Variants in TYW1B observed in about 807,000 individuals in gnomAD.
The protein encoded by TYW1B is S-adenosyl-L-methionine-dependent tRNA 4-demethylwyosine synthase TYW1B.
TYW1B carries 73 observed loss-of-function variants against 86.9 expected under a neutral mutation model. That is an observed-to-expected ratio of 0.84 (90% CI 0.70 to 1.02). The LOEUF is 1.02. Among genes scored for constraint, TYW1B ranks in the 50% least tolerant of loss-of-function variants. The pLI is 0.00. For synonymous variants in TYW1B, 248 were observed against 292.8 expected (o/e 0.85, Z 1.56); for missense variants, 637 against 827.4 (o/e 0.77, Z 2.82).
chr7:72,672,473 A>AACAC (rs57744814), intron 11 of TYW1B, among the ~76,000 whole-genome samples: 56,094 of 140,636 alleles, frequency 0.4, 11,364 homozygotes, highest in Non-Finnish European at 0.47. Flanking sequence ...TACACACACA[A>AACAC]ACACACACAC....
chr7:72,792,105 G>A (rs1448994380), intron 6 of TYW1B, among the ~76,000 whole-genome samples: 2 of 152,104 alleles, frequency 1.3e-5, no homozygotes, highest in Non-Finnish European at 2.9e-5. Flanking sequence ...CGAGGCGGGT[G>A]ATCATTTGAG....
intron 7 of TYW1B, among the ~76,000 whole-genome samples, chr7:72,747,441 G>C (rs1479714182): frequency 6.6e-6 from 1 of 152,040 alleles, no homozygotes; most frequent in Non-Finnish European, 1.5e-5. Context: ...CATGAAAACG[G>C]ACTAATACAG....
chr7:72,710,071 G>A (rs1447039257), intron 10 of TYW1B, among the ~76,000 whole-genome samples: 5 of 152,070 alleles, frequency 3.3e-5, no homozygotes, highest in Admixed American at 1.3e-4. Flanking sequence ...GGACGTTTTC[G>A]GGTAAATATC....
intron 13 of TYW1B, among the ~76,000 whole-genome samples, chr7:72,590,014 A>C (rs1273858932): frequency 1.3e-5 from 2 of 152,250 alleles, no homozygotes; most frequent in Non-Finnish European, 2.9e-5. Context: ...ACTAAGTATA[A>C]ATTTTAAAAA....
At chr7:72,663,695 C>T (rs1399913240) in intron 11 of TYW1B, among the ~76,000 whole-genome samples, 34 of 124,882 alleles carry the variant, frequency 2.7e-4, no homozygotes, top group Non-Finnish European at 4.0e-4. Context: ...ACCCGGGGGG[C>T]GGAGCTTGCA....
intron 6 of TYW1B, among the ~76,000 whole-genome samples, chr7:72,780,796 G>A (rs552367384): frequency 2.8e-4 from 42 of 152,120 alleles, no homozygotes; most frequent in African/African-American, 1.0e-3. Context: ...TAGTAATTTC[G>A]TTTCTGAAAA....
At chr7:72,622,620 CACAA>C (rs782617470) in intron 12 of TYW1B, among the ~76,000 whole-genome samples, 1 of 152,028 alleles carries the variant, frequency 6.6e-6, no homozygotes, top group Non-Finnish European at 1.5e-5. Flanking sequence ...CACGGACACA[CACAA>C]ACACAAACAC....
At chr7:72,778,271 T>C (rs1787991381) in intron 6 of TYW1B, among the ~76,000 whole-genome samples, 1 of 152,164 alleles carries the variant, frequency 6.6e-6, no homozygotes, top group Non-Finnish European at 1.5e-5. Context: ...TTAAATGAAA[T>C]AAAATCACAA....
At chr7:72,582,629 A>G (rs1811181901) in intron 13 of TYW1B, among the ~76,000 whole-genome samples, 1 of 152,218 alleles carries the variant, frequency 6.6e-6, no homozygotes. Flanking sequence ...ATTTCACTCA[A>G]GACAGAGCTG....
intron 13 of TYW1B, among the ~76,000 whole-genome samples, chr7:72,588,714 A>G (rs1811331259): frequency 6.6e-6 from 1 of 151,988 alleles, no homozygotes; most frequent in African/African-American, 2.4e-5. Context: ...CACCTTCCCT[A>G]CCTTGTCTGT....
intron 2 of TYW1B, among the ~76,000 whole-genome samples, chr7:72,816,883 T>G (rs1472308155): frequency 6.6e-6 from 1 of 152,090 alleles, no homozygotes; most frequent in Non-Finnish European, 1.5e-5. Flanking sequence ...TAGCTGGCCC[T>G]GTGCAGCTCT....
At chr7:72,794,391 A>G (rs1788271242) in intron 6 of TYW1B, among the ~76,000 whole-genome samples, 1 of 151,978 alleles carries the variant, frequency 6.6e-6, no homozygotes. Context: ...CCCCATCTCT[A>G]CTAAAATTAC....
chr7:72,740,816 C>T (rs1291284647), intron 8 of TYW1B, among the ~76,000 whole-genome samples: 8 of 151,334 alleles, frequency 5.3e-5, no homozygotes, highest in African/African-American at 1.9e-4. Context: ...CTGCAAGCTC[C>T]ACCTCCCGAG....
intron 3 of TYW1B, among the ~76,000 whole-genome samples, chr7:72,811,238 T>G (rs1465214528): frequency 6.8e-5 from 9 of 131,420 alleles, no homozygotes; most frequent in African/African-American, 2.1e-4. Flanking sequence ...GCCACTGCAC[T>G]CCAGCCTGGG....
intron 12 of TYW1B, among the ~76,000 whole-genome samples, chr7:72,627,060 C>A (rs1181378467): frequency 6.6e-6 from 1 of 152,154 alleles, no homozygotes; most frequent in Non-Finnish European, 1.5e-5. Flanking sequence ...AGCCACTCCA[C>A]TAGGATAGCA....
At chr7:72,755,138 C>T (rs539861764) in intron 7 of TYW1B, among the ~76,000 whole-genome samples, 2 of 152,112 alleles carry the variant, frequency 1.3e-5, no homozygotes, top group African/African-American at 2.4e-5. Flanking sequence ...TGTCATCTGG[C>T]GGGGCACAGT....
chr7:72,658,753 C>T (rs1813263019), intron 11 of TYW1B, among the ~76,000 whole-genome samples: 1 of 152,148 alleles, frequency 6.6e-6, no homozygotes, highest in African/African-American at 2.4e-5. Context: ...CTGTGTCTTG[C>T]TTTGTCACCC....
At chr7:72,606,196 A>G (rs1266330379) in intron 13 of TYW1B, among the ~76,000 whole-genome samples, 4 of 148,704 alleles carry the variant, frequency 2.7e-5, no homozygotes, top group African/African-American at 7.4e-5. Context: ...CAACTATTGG[A>G]TAAAAAAAAA....
At chr7:72,653,810 G>A (rs2129569274) in intron 11 of TYW1B, among the ~76,000 whole-genome samples, 1 of 149,446 alleles carries the variant, frequency 6.7e-6, no homozygotes, top group South Asian at 2.1e-4. Context: ...GGCCAGGCGT[G>A]GTGGCTCACG....
Sources: allele counts gnomAD v4.1 joint callset (sites outside exome capture counted in the v4.1 genomes callset), GRCh38; gene constraint gnomAD v4.1.1; transcripts MANE v1.5; gene names NCBI Gene and HGNC (gene_info 2026-07-23, HGNC 2026-07-21).